The following GABRG3 variants were observed in gnomAD, a reference collection of about 807,000 sequenced individuals.
GABRG3 encodes gamma-aminobutyric acid receptor subunit gamma-3.
In GABRG3, 25 loss-of-function variants were observed where a neutral mutation model predicts 48.8. That is an observed-to-expected ratio of 0.51 (90% CI 0.37 to 0.72). The LOEUF is 0.72. GABRG3 is among the 30% of genes least tolerant of loss of function. The pLI is 0.00. For missense variants in GABRG3, 394 were observed against 577.9 expected, an observed-to-expected ratio of 0.68 and a Z score of 3.26; for synonymous variants, 227 against 217.6, an observed-to-expected ratio of 1.04 and a Z score of -0.38.
chr15:27,323,592 GT>G (rs1893504455), intron 3 of GABRG3, among the ~76,000 whole-genome samples: 1 of 152,116 alleles, frequency 6.6e-6, no homozygotes, highest in Admixed American at 6.5e-5. Flanking sequence ...AGAAATCATC[GT>G]TAAGCTCAAA....
Position 27,439,594 on chromosome 15 carries a change from C to T in GABRG3, c.575-41056C>T, listed in dbSNP as rs988536791. ...TGTATGTATTGTGGTCCATGATCCT[C>T]CCAGGGCTGGCTGGACAGTGGTAGT... On this transcript the variant is annotated intron_variant, in intron 5 of 9. Coordinates refer to ENST00000615808, the MANE Select transcript of GABRG3 (RefSeq NM_033223.5). Among the ~76,000 whole-genome samples, 14 of 152,276 alleles carry T rather than the reference C, an allele frequency of 9.2e-5. 1 individual carries two copies. The highest frequency in any genetic ancestry group is 3.4e-4 in the African/African-American group (14 of 41,566).
At chr15:27,382,526 G>A (rs562750760) in intron 5 of GABRG3, among the ~76,000 whole-genome samples, 1 of 152,172 alleles carries the variant, frequency 6.6e-6, no homozygotes, top group Non-Finnish European at 1.5e-5. Context: ...AGTGAAAATG[G>A]GAGCCACTGG....
At chr15:27,420,866 A>G (rs552922008) in intron 5 of GABRG3, 1 of 152,360 alleles carries the variant, frequency 6.6e-6, no homozygotes, top group African/African-American at 2.4e-5. Context: ...GAAATACACA[A>G]AAGAAGAAAC....
Position 26,971,488 on chromosome 15 carries a change from C to A in GABRG3, c.-48C>A. On this transcript the variant is annotated 5_prime_UTR_variant, in exon 1 of 10. Transcript: ENST00000615808. The stretch of plus-strand genomic sequence containing the variant: ...AGACCAGGTCCGCGCCGGAGGAAGC[C>A]GCGCCCGGCCGAGGCCCCGGACCCT... The A allele has an allele frequency of 6.9e-7, 1 of 1,446,314 alleles. No homozygotes were observed. The highest frequency in any genetic ancestry group is 9.2e-7 in the Non-Finnish European group (1 of 1,090,588). 89.6% of individuals were successfully genotyped at this position (1,446,314 alleles called of 1,614,324 possible).
chr15:27,282,520 T>G (rs1319696750), intron 3 of GABRG3, among the ~76,000 whole-genome samples: 1 of 152,226 alleles, frequency 6.6e-6, no homozygotes, highest in African/African-American at 2.4e-5. Flanking sequence ...GGTTTTAAAG[T>G]AGTAGTTACT....
chr15:27,388,012 AAAGGGAGGAGGGAGGG>A, intron 5 of GABRG3, among the ~76,000 whole-genome samples: 4 of 91,762 alleles, frequency 4.4e-5, no homozygotes, highest in South Asian at 4.7e-4. Flanking sequence ...GGAAGGAAGG[AAAGGGAGGAGGGAGGG>A]AGGAAAGGAA....
chr15:27,406,862 C>T (rs938326555), intron 5 of GABRG3, among the ~76,000 whole-genome samples: 13 of 152,088 alleles, frequency 8.5e-5, no homozygotes, highest in Admixed American at 2.6e-4. Context: ...ATGGGAACTC[C>T]GTACCATGTT....
intron 3 of GABRG3, among the ~76,000 whole-genome samples, chr15:27,150,376 A>G (rs904930077): frequency 6.6e-6 from 1 of 152,204 alleles, no homozygotes; most frequent in Admixed American, 6.5e-5. Context: ...TTAGAATTAA[A>G]AAATGCATGT....
At chr15:27,304,528 G>A (rs1387369592) in intron 3 of GABRG3, among the ~76,000 whole-genome samples, 1 of 151,998 alleles carries the variant, frequency 6.6e-6, no homozygotes, top group Non-Finnish European at 1.5e-5. Context: ...GCTTGAAGAG[G>A]TTCTGGAGGC....
At chr15:27,378,850 A>G (rs371631009) in intron 5 of GABRG3, among the ~76,000 whole-genome samples, 5 of 152,190 alleles carry the variant, frequency 3.3e-5, no homozygotes, top group African/African-American at 1.2e-4. Context: ...TTGTGAACAG[A>G]TTGGAGAGGG....
chr15:27,469,631 G>A (rs1275029914), intron 5 of GABRG3, among the ~76,000 whole-genome samples: 6 of 152,102 alleles, frequency 3.9e-5, no homozygotes, highest in African/African-American at 9.7e-5. Context: ...GTGAGCCACC[G>A]CGCCTGGCCT....
At chr15:27,130,300 A>G (rs1474330730) in intron 3 of GABRG3, among the ~76,000 whole-genome samples, 1 of 152,120 alleles carries the variant, frequency 6.6e-6, no homozygotes, top group Non-Finnish European at 1.5e-5. Flanking sequence ...CCCTTGTGGA[A>G]AGACTGTCCA....
Position 27,319,782 on chromosome 15 carries a change from A to G in GABRG3, c.271-7027A>G, listed in dbSNP as rs990484087. Among the ~76,000 whole-genome samples, 1 of 152,198 alleles carries G rather than the reference A, an allele frequency of 6.6e-6. No individual in the cohort carries two copies. The highest frequency in any genetic ancestry group is 1.5e-5 in the Non-Finnish European group (1 of 68,034). On this transcript the variant is annotated intron_variant, in intron 3 of 9. Coordinates refer to ENST00000615808, the MANE Select transcript of GABRG3 (RefSeq NM_033223.5). The surrounding 1 kb of genome is among the most constrained non-coding windows in gnomAD (Gnocchi z 4.4). The stretch of plus-strand genomic sequence containing the variant: ...AAGCACGATACACGGAGCCTTGAGT[A>G]TCATGCAAAGAATATTAACCCCAAT...
chr15:27,311,945 G>A (rs1008349678), intron 3 of GABRG3, among the ~76,000 whole-genome samples: 15 of 151,806 alleles, frequency 9.9e-5, no homozygotes, highest in Admixed American at 4.6e-4. Flanking sequence ...ATGAAGAAAC[G>A]GTAATATTTC....
intron 3 of GABRG3, among the ~76,000 whole-genome samples, chr15:27,065,521 G>A (rs776982046): frequency 9.9e-5 from 15 of 152,178 alleles, no homozygotes; most frequent in Admixed American, 8.5e-4. Context: ...TAGCCAGTGG[G>A]TCTCGGTTCC....
At chr15:27,382,791 G>A (rs149165736) in intron 5 of GABRG3, among the ~76,000 whole-genome samples, 1 of 152,112 alleles carries the variant, frequency 6.6e-6, no homozygotes, top group Non-Finnish European at 1.5e-5. Context: ...AGGAGTCATA[G>A]TATCAAGTTG....
At chr15:27,139,361 G>C (rs898638248) in intron 3 of GABRG3, among the ~76,000 whole-genome samples, 5 of 152,036 alleles carry the variant, frequency 3.3e-5, no homozygotes, top group Non-Finnish European at 2.9e-5. Context: ...AGCTTCAGGA[G>C]AGAGAGAGAG....
intron 5 of GABRG3, among the ~76,000 whole-genome samples, chr15:27,378,256 A>T (rs1281801131): frequency 6.6e-6 from 1 of 152,146 alleles, no homozygotes; most frequent in African/African-American, 2.4e-5. Flanking sequence ...GCTGAAATTT[A>T]AAAAAATTAA....
chr15:27,331,588 C>T (rs1441495918), intron 5 of GABRG3, among the ~76,000 whole-genome samples: 1 of 152,152 alleles, frequency 6.6e-6, no homozygotes, highest in African/African-American at 2.4e-5. Flanking sequence ...GGGTTGTGGG[C>T]AGAGGGAGGA....
Sources: allele counts gnomAD v4.1 joint callset (sites outside exome capture counted in the v4.1 genomes callset), GRCh38; gene constraint gnomAD v4.1.1; non-coding constraint Gnocchi (gnomAD v3.1); transcripts MANE v1.5; gene names NCBI Gene and HGNC (gene_info 2026-07-23, HGNC 2026-07-21).